ZNF385C: variants seen among roughly 807,000 people sequenced by gnomAD.
The protein encoded by ZNF385C is zinc finger protein 385C, also known as CTD-2132N18.2.
ZNF385C carries 28 observed loss-of-function variants against 35.4 expected under a neutral mutation model. The observed-to-expected ratio is 0.79, with a 90% CI of 0.59 to 1.08. The LOEUF (loss-of-function observed/expected upper bound fraction) is 1.08, where lower values mean the gene tolerates loss of function less well. Among genes scored for constraint, ZNF385C ranks in the 50% least tolerant of loss-of-function variants. ZNF385C has a pLI of 0.00. For synonymous variants in ZNF385C, 248 were observed against 248.2 expected, an observed-to-expected ratio of 1.00 and a Z score of 0.01; for missense variants, 605 against 595.6, an observed-to-expected ratio of 1.02 and a Z score of -0.16.
intron 2 of ZNF385C, among the ~76,000 whole-genome samples, chr17:42,053,462 C>T (rs778937505): frequency 4.6e-5 from 7 of 151,194 alleles, no homozygotes; most frequent in Non-Finnish European, 1.0e-4. Flanking sequence ...TCTCTCTTCA[C>T]TCCCCTCGGA....
rs1023857513 is a variant in ZNF385C at position 42,026,709 on chromosome 17, T to C, written c.*188A>G. 3.1e-6 allele frequency: 2 copies of C among 643,976 alleles called. No homozygotes were observed. The highest frequency in any genetic ancestry group is 5.5e-6 in the Non-Finnish European group (2 of 362,278). The allele number at this position is 643,976 out of a possible 1,614,324, so 39.9% of individuals were successfully genotyped here. A position where few individuals can be genotyped will look rare whatever the true frequency, so the allele number is the denominator to read the frequency against. ...AGCCTAGGATTAACCCTGGAAGGCC[T>C]GCGAAAGGAGGGTGGGGACAGTCCT... is the stretch of plus-strand genomic sequence containing the variant. On this transcript the variant is annotated 3_prime_UTR_variant, in exon 9 of 9. Coordinates refer to ENST00000692273, the MANE Select transcript of ZNF385C (RefSeq NM_001392013.1).
At chr17:42,074,676 A>C (rs1372841467) in intron 1 of ZNF385C, among the ~76,000 whole-genome samples, 1 of 152,226 alleles carries the variant, frequency 6.6e-6, no homozygotes, top group African/African-American at 2.4e-5. Context: ...GGCGTGAGCC[A>C]CCGCGCCCGG....
intron 1 of ZNF385C, among the ~76,000 whole-genome samples, chr17:42,080,635 C>T (rs1367594277): frequency 6.6e-6 from 1 of 152,174 alleles, no homozygotes; most frequent in Non-Finnish European, 1.5e-5. Flanking sequence ...CCTTGCTGGC[C>T]AGGGAGCAGC....
At chr17:42,027,843 G>C (rs1362875329) in intron 7 of ZNF385C, 115 bp from the exon 8 acceptor site, 3 of 1,278,912 alleles carry the variant, frequency 2.3e-6, no homozygotes, top group South Asian at 1.3e-5. Context: ...AAAGCACACA[G>C]ACTGGGTCCT....
At chr17:42,035,911 G>C (rs2052846004) in intron 3 of ZNF385C, among the ~76,000 whole-genome samples, 1 of 152,172 alleles carries the variant, frequency 6.6e-6, no homozygotes, top group South Asian at 2.1e-4. Context: ...GGGGCCAGTA[G>C]GGGGCAGGGA....
Position 42,034,224 on chromosome 17 carries a change from C to T in ZNF385C, c.510+1G>A. On this transcript the variant is annotated splice_donor_variant, in intron 4 of 8. Coordinates refer to ENST00000692273, the MANE Select transcript of ZNF385C (RefSeq NM_001392013.1). LOFTEE classifies it high-confidence loss of function. ...GACCTGCTTTCACTACTTTGTCTCA[C>T]CGCTGAGTTGAACCTCAGGTGACAG... The T allele has an allele frequency of 1.3e-6, 2 of 1,550,234 alleles. No homozygotes were observed. Among genetic ancestry groups the T allele is most frequent in the Non-Finnish European group, 1.7e-6 (2 of 1,146,660 alleles).
chr17:42,046,083 C>T lies in ZNF385C; in HGVS notation c.251-8198G>A, dbSNP rs368924510. Among the ~76,000 whole-genome samples the T allele has an allele frequency of 4.4e-3, 673 of 152,338 alleles. 2 individuals carry two copies. The highest frequency in any genetic ancestry group is 0.01 in the Middle Eastern group (3 of 294). ...CAGCTCAGATATCCCTTCTGCCATG[C>T]TGATCCCCACAACCTGGGCTGGTAG... is the stretch of plus-strand genomic sequence containing the variant. On this transcript the variant is annotated intron_variant, in intron 2 of 8. Coordinates refer to ENST00000692273, the MANE Select transcript of ZNF385C (RefSeq NM_001392013.1).
At chr17:42,039,522 T>G in intron 2 of ZNF385C, 1 of 347,022 alleles carries the variant, frequency 2.9e-6, no homozygotes, top group Non-Finnish European at 4.6e-6. Context: ...AGCCAGTCCC[T>G]TCCTCCACAG....
chr17:42,042,801 A>C (rs1555656264), intron 2 of ZNF385C: 1 of 1,231,162 alleles, frequency 8.1e-7, no homozygotes, highest in African/African-American at 1.6e-5. Flanking sequence ...TCCCTTCCCA[A>C]GCCCTTCCCC....
chr17:42,090,568 A>G, intron 1 of ZNF385C, among the ~76,000 whole-genome samples: 1 of 147,736 alleles, frequency 6.8e-6, no homozygotes, highest in African/African-American at 2.5e-5. Flanking sequence ...TACAGACGTG[A>G]GCCACCACAC....
At chr17:42,031,930 C>T (rs2052739285) in intron 4 of ZNF385C, 146 bp from the exon 5 acceptor site, 1 of 868,306 alleles carries the variant, frequency 1.2e-6, no homozygotes, top group Non-Finnish European at 1.7e-6. Context: ...TCATCATCAT[C>T]ACCATAGCAC....
intron 2 of ZNF385C, among the ~76,000 whole-genome samples, chr17:42,060,652 C>T (rs2053446447): frequency 6.6e-6 from 1 of 152,224 alleles, no homozygotes; most frequent in African/African-American, 2.4e-5. Flanking sequence ...CTCTCTTTGT[C>T]TCCAGTATCC....
At chr17:42,063,200 G>A in intron 1 of ZNF385C, 142 bp from the exon 2 acceptor site, 2 of 483,012 alleles carry the variant, frequency 4.1e-6, no homozygotes, top group South Asian at 3.5e-5. Flanking sequence ...GATGGTGGAA[G>A]GGCGCATAAT....
chr17:42,058,386 C>T (rs781964143), intron 2 of ZNF385C, among the ~76,000 whole-genome samples: 12 of 152,230 alleles, frequency 7.9e-5, no homozygotes, highest in African/African-American at 1.2e-4. Flanking sequence ...TCTGGCATGG[C>T]GCCCCGGACA....
intron 3 of ZNF385C, among the ~76,000 whole-genome samples, chr17:42,035,737 G>A (rs890564427): frequency 2.0e-5 from 3 of 151,710 alleles, no homozygotes; most frequent in Non-Finnish European, 4.4e-5. Flanking sequence ...ATTTTTAGTA[G>A]AGACAGGGTT....
chr17:42,084,759 C>T (rs113554766), intron 1 of ZNF385C, among the ~76,000 whole-genome samples: 5 of 152,102 alleles, frequency 3.3e-5, no homozygotes, highest in South Asian at 2.1e-4. Flanking sequence ...TACAGGCATA[C>T]ACCACCATGC....
chr17:42,066,690 G>A (rs1555658459), intron 1 of ZNF385C, among the ~76,000 whole-genome samples: 1 of 152,178 alleles, frequency 6.6e-6, no homozygotes, highest in Non-Finnish European at 1.5e-5. Context: ...TTTGGAAATA[G>A]GGTCGTTGCA....
intron 5 of ZNF385C, 130 bp downstream of exon 5, chr17:42,031,489 T>C: frequency 1.7e-6 from 2 of 1,199,272 alleles, no homozygotes; most frequent in East Asian, 2.6e-5. Context: ...CGTGGTACAC[T>C]TGTGTGCCTT....
At chr17:42,028,690 C>G in intron 6 of ZNF385C, 93 bp downstream of exon 6, 1 of 1,438,662 alleles carries the variant, frequency 7.0e-7, no homozygotes, top group Non-Finnish European at 9.3e-7. Context: ...AACCCTTGAG[C>G]GAAGCACCCA....
Sources: allele counts gnomAD v4.1 joint callset (sites outside exome capture counted in the v4.1 genomes callset), GRCh38; gene constraint gnomAD v4.1.1; transcripts MANE v1.5; gene names NCBI Gene and HGNC (gene_info 2026-07-23, HGNC 2026-07-21).